LRRK2: variants seen among roughly 807,000 people sequenced by gnomAD.
LRRK2 encodes the protein leucine-rich repeat serine/threonine-protein kinase 2.
In LRRK2, 203 loss-of-function variants were observed where a neutral mutation model predicts 302.6. That is an observed-to-expected ratio of 0.67 (90% CI 0.60 to 0.75). The LOEUF (loss-of-function observed/expected upper bound fraction) is 0.75. Among genes scored for constraint, LRRK2 ranks in the 30% least tolerant of loss-of-function variants. The probability of loss-of-function intolerance (pLI) is 0.00; values close to 1 mark genes in which losing one functional copy is unlikely to be tolerated. For missense variants in LRRK2, 2,830 were observed against 2,951.0 expected (o/e 0.96, Z 0.95); for synonymous variants, 1,066 against 1,031.9 (o/e 1.03, Z -0.63).
At chr12:40,313,398 G>A (rs1197470875) in intron 31 of LRRK2, among the ~76,000 whole-genome samples, 1 of 151,908 alleles carries the variant, frequency 6.6e-6, no homozygotes, top group African/African-American at 2.4e-5. Context: ...CAGAATCACT[G>A]ATGTTTAGAT....
intron 25 of LRRK2, 127 bp downstream of exon 25, chr12:40,299,384 A>T: frequency 9.4e-7 from 1 of 1,060,176 alleles, no homozygotes; most frequent in Non-Finnish European, 1.4e-6. Context: ...TGGATTTAAA[A>T]AATAAAATTA....
chr12:40,350,987 T>C (rs12318400), intron 43 of LRRK2, among the ~76,000 whole-genome samples: 2,646 of 152,366 alleles, frequency 0.017, 81 homozygotes, highest in African/African-American at 0.058. Context: ...ATGGGCTTTC[T>C]TGGTGTCTCC....
chr12:40,228,855 G>A (rs1357813472), intron 2 of LRRK2, among the ~76,000 whole-genome samples: 1 of 152,104 alleles, frequency 6.6e-6, no homozygotes, highest in African/African-American at 2.4e-5. Flanking sequence ...CTGCCCTCCT[G>A]GAAATATTAC....
At chr12:40,283,281 A>G (rs1475963690) in intron 18 of LRRK2, among the ~76,000 whole-genome samples, 1 of 152,170 alleles carries the variant, frequency 6.6e-6, no homozygotes, top group Non-Finnish European at 1.5e-5. Flanking sequence ...CACCCTGAAC[A>G]CATGCTCTGA....
At chr12:40,351,830 A>G in intron 44 of LRRK2, 97 bp downstream of exon 44, 1 of 1,195,398 alleles carries the variant, frequency 8.4e-7, no homozygotes, top group Non-Finnish European at 1.2e-6. Context: ...ATGTAGGATT[A>G]TTATTCAATT....
chr12:40,359,151 C>G (rs1397055116), intron 46 of LRRK2, 109 bp from the exon 47 acceptor site: 21 of 914,960 alleles, frequency 2.3e-5, no homozygotes, highest in Admixed American at 5.1e-5. Flanking sequence ...ATTTTAATAT[C>G]TCTAATCATT....
chr12:40,345,402 C>T (rs1946161089), intron 41 of LRRK2, among the ~76,000 whole-genome samples: 2 of 151,762 alleles, frequency 1.3e-5, no homozygotes, highest in East Asian at 3.9e-4. Flanking sequence ...GTGGGTGGAT[C>T]ACTTGAGGTC....
At chr12:40,242,454 C>T (rs558716325) in intron 6 of LRRK2, among the ~76,000 whole-genome samples, 22 of 151,924 alleles carry the variant, frequency 1.4e-4, no homozygotes, top group Admixed American at 8.5e-4. Context: ...TCTTTCTTTC[C>T]TTTCTGTTTT....
intron 47 of LRRK2, among the ~76,000 whole-genome samples, chr12:40,362,418 T>C (rs1218949747): frequency 6.6e-6 from 1 of 152,086 alleles, no homozygotes; most frequent in South Asian, 2.1e-4. Flanking sequence ...AGTGCCTTCT[T>C]CTATTCCCCC....
chr12:40,261,161 A>G (rs1942755970), intron 13 of LRRK2, among the ~76,000 whole-genome samples: 1 of 152,148 alleles, frequency 6.6e-6, no homozygotes, highest in Non-Finnish European at 1.5e-5. Flanking sequence ...TTTACTTGAA[A>G]ATATTATTGC....
rs17491068 is a variant in LRRK2 at position 40,300,393 on chromosome 12, A to G, written c.3496+1136A>G. ...ATGACAATAAACAGGAATTCCCCATATTTTATCTTCCTTCATAGAGAATAC... is the reference window on the plus strand; with the variant it reads ...ATGACAATAAACAGGAATTCCCCATGTTTTATCTTCCTTCATAGAGAATAC... On this transcript the variant is annotated intron_variant, in intron 25 of 50. Transcript: ENST00000298910. 3.8e-3 allele frequency among the ~76,000 whole-genome samples: 580 copies of G among 152,296 alleles called. 8 individuals are homozygous for G. The highest frequency in any genetic ancestry group is 0.013 in the African/African-American group (552 of 41,570).
In LRRK2 at chr12:40,365,044, C is replaced by T. The variant is rs765894452; in HGVS notation, c.7384C>T (p.Gln2462Ter). The change falls in exon 49 of 51, where the codon CAG becomes TAG. Residue 2462 changes from glutamine (Q) to a stop codon, truncating the protein, a stop_gained. Transcript: ENST00000298910. LOFTEE classifies it high-confidence loss of function. ...CNSVRVMMTAQLGSLKNVMLV... is the reference protein window; with the variant it reads ...CNSVRVMMTA ...TTCGGTCAGAGTCATGATGACAGCACAGCTAGGCAAGTTTCTTTCCTTTAG... is the reference window on the plus strand; with the variant it reads ...TTCGGTCAGAGTCATGATGACAGCATAGCTAGGCAAGTTTCTTTCCTTTAG... 1.9e-6 allele frequency: 3 copies of T among 1,611,486 alleles called. No homozygotes were observed. The highest frequency in any genetic ancestry group is 2.2e-5 in the East Asian group (1 of 44,820).
intron 20 of LRRK2, among the ~76,000 whole-genome samples, chr12:40,287,949 C>T (rs918036698): frequency 2.6e-5 from 4 of 151,616 alleles, no homozygotes; most frequent in African/African-American, 4.8e-5. Flanking sequence ...AAACAGGAAG[C>T]GCTTAATAAA....
At chr12:40,282,196 C>G (rs1943742318) in intron 18 of LRRK2, among the ~76,000 whole-genome samples, 1 of 143,722 alleles carries the variant, frequency 7.0e-6, no homozygotes, top group South Asian at 2.3e-4. Context: ...CTTCTCCTTC[C>G]TTCCTTCCTT....
chr12:40,254,425 A>G (rs915172789), intron 11 of LRRK2, among the ~76,000 whole-genome samples: 1 of 152,158 alleles, frequency 6.6e-6, no homozygotes, highest in Non-Finnish European at 1.5e-5. Context: ...TGACAGACAG[A>G]CAGGGGCTGC....
intron 40 of LRRK2, among the ~76,000 whole-genome samples, chr12:40,338,891 A>T (rs1945952625): frequency 6.6e-6 from 1 of 152,196 alleles, no homozygotes; most frequent in South Asian, 2.1e-4. Context: ...ATGGCCTTTC[A>T]GTAATCCCTT....
In LRRK2 at chr12:40,243,648, G is replaced by C. The variant is rs537408433; in HGVS notation, c.805G>C (p.Val269Leu). ...CCCTATGAGTGAAAGAATTCAAGAA[G>C]TGAGTTGCTGTTTGCTCCATAGGCT... ...AFPMSERIQEVSCCLLHRLTL... is the reference protein window; with the variant it reads ...AFPMSERIQELSCCLLHRLTL... Residue 269 changes from valine (V) to leucine (L), a missense_variant, in exon 7 of 51, where the codon GTG (valine) becomes CTG (leucine). Around this residue, in one of 3 missense-constraint regions of LRRK2, gnomAD observed 2,121 missense variants for 2,148.0 expected, o/e 0.99. Transcript: ENST00000298910. 6.2e-7 allele frequency: 1 copy of C among 1,611,962 alleles called. No homozygotes were observed. Among genetic ancestry groups the C allele is most frequent in the African/African-American group, 1.3e-5 (1 of 74,930 alleles).
At chr12:40,227,259 A>G (rs937593546) in intron 2 of LRRK2, among the ~76,000 whole-genome samples, 4 of 152,192 alleles carry the variant, frequency 2.6e-5, no homozygotes, top group Non-Finnish European at 4.4e-5. Flanking sequence ...GTAATGTTCA[A>G]ATCAGGGTAA....
intron 43 of LRRK2, among the ~76,000 whole-genome samples, chr12:40,350,655 C>T (rs777795591): frequency 3.3e-5 from 5 of 152,110 alleles, no homozygotes; most frequent in Non-Finnish European, 7.4e-5. Context: ...TCAAGTACAA[C>T]TATAATGACT....
Sources: gnomAD v4.1 joint callset for allele counts (sites outside exome capture counted in the v4.1 genomes callset) on GRCh38, gnomAD v4.1.1 for gene constraint, gnomAD v4.1.1 regional missense constraint, MANE v1.5 for transcripts, NCBI Gene and HGNC (gene_info 2026-07-23, HGNC 2026-07-21) for gene names.